Variants in EFNB1 observed in about 807,000 individuals in gnomAD.
The protein encoded by EFNB1 is ephrin-B1.
In EFNB1, 1 loss-of-function variant was observed where a neutral mutation model predicts 18.1. The ratio of observed to expected loss-of-function variants is 0.06; its 90% CI spans 0.02 to 0.26. EFNB1 has a LOEUF of 0.26. EFNB1 is among the 10% of genes least tolerant of loss of function. EFNB1 has a pLI of 1.00. For missense variants in EFNB1, 221 were observed against 301.8 expected, an observed-to-expected ratio of 0.73 and a Z score of 1.98; for synonymous variants, 131 against 127.5, an observed-to-expected ratio of 1.03 and a Z score of -0.19.
Position 68,840,559 on chromosome X carries a change from C to G in EFNB1, c.946C>G (p.His316Asp). The G allele has an allele frequency of 1.7e-6, 2 of 1,211,376 alleles. No homozygotes were observed. Among genetic ancestry groups the G allele is most frequent in the Non-Finnish European group, 2.2e-6 (2 of 895,318 alleles). ...LRTTENNYCP[H>D]YEKVSGDYGH... The stretch of plus-strand genomic sequence containing the variant: ...GACTACAGAGAACAACTACTGCCCC[C>G]ACTATGAGAAGGTGAGTGGGGACTA... The change falls in exon 5 of 5, where the codon CAC becomes GAC. Residue 316 changes from histidine (H) to aspartate (D), a missense_variant. Coordinates refer to ENST00000204961, the MANE Select transcript of EFNB1 (RefSeq NM_004429.5).
Position 68,838,797 on chromosome X carries a change from G to A in EFNB1, c.309G>A (p.Arg103=). 8.3e-7 allele frequency: 1 copy of A among 1,207,911 alleles called. No homozygotes were observed. The highest frequency in any genetic ancestry group is 1.1e-6 in the Non-Finnish European group (1 of 893,507). Residue 103 remains arginine, a synonymous_variant, in exon 2 of 5, where the codon AGG becomes AGA. Transcript: ENST00000204961. ...LDPNVLVTCN[R]PEQEIRFTIK... ...CCAACGTGTTGGTCACCTGCAATAG[G>A]CCAGAGCAGGAAATACGCTTTACCA...
Position 68,829,725 on chromosome X carries a change from C to A in EFNB1, c.-52C>A, listed in dbSNP as rs2080438813. 8.5e-7 allele frequency: 1 copy of A among 1,170,288 alleles called. No individual in the cohort carries two copies. Among genetic ancestry groups the A allele is most frequent in the Admixed American group, 2.5e-5 (1 of 39,559 alleles). On this transcript the variant is annotated 5_prime_UTR_variant, in exon 1 of 5. Transcript: ENST00000204961. ...GCGCGGCAGAGGAAGGCGAGGCGAG[C>A]TTTGGTGAGGAGGCGCCAAGGGATC...
At chrX:68,839,466 G>T (rs2080470859) in intron 2 of EFNB1, among the ~76,000 whole-genome samples, 198 bp from the exon 3 acceptor site, 1 of 112,581 alleles carries the variant, frequency 8.9e-6, no homozygotes, top group African/African-American at 3.2e-5. Flanking sequence ...CTTGTTCTTG[G>T]CCTGGGCTGG....
intron 2 of EFNB1, 121 bp downstream of exon 2, chrX:68,839,015 C>A: frequency 2.1e-6 from 2 of 959,770 alleles, no homozygotes; most frequent in Non-Finnish European, 2.9e-6. Context: ...CCTGCTGGAT[C>A]TGATCCCCTT....
At chrX:68,838,425 C>T (rs1268263002) in intron 1 of EFNB1, among the ~76,000 whole-genome samples, 192 bp from the exon 2 acceptor site, 1 of 111,546 alleles carries the variant, frequency 9.0e-6, no homozygotes, top group Non-Finnish European at 1.9e-5. Flanking sequence ...CATGGGCCAC[C>T]CCTTCCACAC....
chrX:68,840,158 A>T, intron 4 of EFNB1, 70 bp downstream of exon 4: 1 of 1,210,109 alleles, frequency 8.3e-7, no homozygotes, highest in South Asian at 1.8e-5. Context: ...GTCCCTGAAG[A>T]AATGCAAGCT....
rs873465 is a variant in EFNB1, at chrX:68,832,726, C to T, written c.128+2822C>T. Among the ~76,000 whole-genome samples, 13 of 111,279 alleles carry T rather than the reference C, an allele frequency of 1.2e-4. No individual in the cohort carries two copies. The South Asian group carries it at 3.1e-3, about 26-fold the overall frequency. On this transcript the variant is annotated intron_variant, in intron 1 of 4. Coordinates refer to ENST00000204961, the MANE Select transcript of EFNB1 (RefSeq NM_004429.5). ...GGCAGGAGCTTCTGCCTCCTTGGCC[C>T]CTCCTGTCAGATTTGCCCCATGAGC...
At chrX:68,833,957 T>C (rs1271683959) in intron 1 of EFNB1, among the ~76,000 whole-genome samples, 1 of 112,524 alleles carries the variant, frequency 8.9e-6, no homozygotes, top group Non-Finnish European at 1.9e-5. Flanking sequence ...GGCCAGTCAA[T>C]GACTTGCCTA....
chrX:68,840,860 TC>T lies in EFNB1; in HGVS notation c.*211del. 1 of 458,908 alleles carries T rather than the reference TC, an allele frequency of 2.2e-6. No individual in the cohort carries two copies. The highest frequency in any genetic ancestry group is 3.7e-6 in the Non-Finnish European group (1 of 268,317). The allele number at this position is 458,908 out of a possible 1,213,427, so 37.8% of individuals were successfully genotyped here. ...CCCTAACCCCCATGCTCTTGTGCCT[TC>T]CCCCTCTGGCCAGGCCTCTGGGCTC... On this transcript the variant is annotated 3_prime_UTR_variant, in exon 5 of 5. Coordinates refer to ENST00000204961, the MANE Select transcript of EFNB1 (RefSeq NM_004429.5).
At chrX:68,831,428 C>G (rs1293966533) in intron 1 of EFNB1, among the ~76,000 whole-genome samples, 1 of 111,920 alleles carries the variant, frequency 8.9e-6, no homozygotes, top group African/African-American at 3.3e-5. Flanking sequence ...AGAAGCCAAA[C>G]GGGGTACAAC....
intron 2 of EFNB1, 68 bp downstream of exon 2, chrX:68,838,962 G>T: frequency 8.7e-7 from 1 of 1,146,746 alleles, no homozygotes; most frequent in Non-Finnish European, 1.2e-6. Flanking sequence ...CTGTAGTAGT[G>T]GGAGCTTCTA....
In EFNB1 at chrX:68,829,294, C is replaced by A. The variant is rs1015891281; in HGVS notation, c.-483C>A. 5.6e-5 allele frequency: 9 copies of A among 160,827 alleles called. No individual in the cohort carries two copies. Among genetic ancestry groups the A allele is most frequent in the Non-Finnish European group, 9.4e-5 (8 of 84,811 alleles). The allele number at this position is 160,827 out of a possible 1,213,427, so 13.3% of individuals were successfully genotyped here. A position where few individuals can be genotyped will look rare whatever the true frequency, so the allele number is the denominator to read the frequency against. On this transcript the variant is annotated 5_prime_UTR_variant, in exon 1 of 5. Coordinates refer to ENST00000204961, the MANE Select transcript of EFNB1 (RefSeq NM_004429.5). ...CGGAGGAACGGAGCCCGTGCCAGGG[C>A]GGCCCAGTCGGGAGCCCGGGGACCG...
intron 1 of EFNB1, among the ~76,000 whole-genome samples, chrX:68,834,141 G>A (rs2080454406): frequency 8.9e-6 from 1 of 112,292 alleles, no homozygotes; most frequent in Admixed American, 9.4e-5. Flanking sequence ...TCTGTGTGGG[G>A]TGAGCAGTGC....
chrX:68,839,979 T>G lies in EFNB1; in HGVS notation c.519T>G (p.Pro173=). ...KVGQDPNAVT[P]EQLTTSRPSK... ...TCTTAGATCCCAATGCTGTGACGCC[T>G]GAGCAGCTGACTACCAGCAGGCCCA... is the stretch of plus-strand genomic sequence containing the variant. Residue 173 remains proline, a synonymous_variant, in exon 4 of 5, where the codon CCT becomes CCG. Coordinates refer to ENST00000204961, the MANE Select transcript of EFNB1 (RefSeq NM_004429.5). 8.3e-7 allele frequency: 1 copy of G among 1,211,863 alleles called. No individual in the cohort carries two copies. The highest frequency in any genetic ancestry group is 1.1e-6 in the Non-Finnish European group (1 of 895,443).
In EFNB1 at chrX:68,839,723, C is replaced by G. The variant is rs1057519034; in HGVS notation, c.466C>G (p.Arg156Gly). The change falls in exon 3 of 5, where the codon CGC becomes GGC. Residue 156 changes from arginine (R) to glycine (G), a missense_variant. By Grantham distance (125) the Arg-to-Gly change is moderately radical. Transcript: ENST00000204961. ...ENREGGVCRTRTMKIIMKVGQ... is the reference protein window; with the variant it reads ...ENREGGVCRTGTMKIIMKVGQ... Reference sequence around the variant, plus strand: ...CCGGGAGGGCGGTGTGTGCCGCACACGCACCATGAAGATCATCATGAAGGT... The same window carrying G: ...CCGGGAGGGCGGTGTGTGCCGCACAGGCACCATGAAGATCATCATGAAGGT... 6 of 1,209,853 alleles carry G rather than the reference C, an allele frequency of 5.0e-6. No individual in the cohort carries two copies. In the Admixed American group the frequency reaches 8.7e-5, roughly 18 times the overall value.
Position 68,829,638 on chromosome X carries a change from G to T in EFNB1, c.-139G>T, listed in dbSNP as rs1247604000. On this transcript the variant is annotated 5_prime_UTR_variant, in exon 1 of 5. Transcript: ENST00000204961. ...GAGAAGAGCGACACCGAAGCCGGCG[G>T]GAGGGGAGCACTTCAAGGCCGGCGG... is the stretch of plus-strand genomic sequence containing the variant. 2.9e-5 allele frequency: 30 copies of T among 1,031,418 alleles called. No homozygotes were observed. The East Asian group carries it at 1.0e-3, about 35-fold the overall frequency. The allele number at this position is 1,031,418 out of a possible 1,213,427, so 85.0% of individuals were successfully genotyped here.
chrX:68,840,694 C>G lies in EFNB1; in HGVS notation c.*40C>G. 1 of 1,176,794 alleles carries G rather than the reference C, an allele frequency of 8.5e-7. No individual in the cohort carries two copies. Among genetic ancestry groups the G allele is most frequent in the Non-Finnish European group, 1.1e-6 (1 of 875,346 alleles). On this transcript the variant is annotated 3_prime_UTR_variant, in exon 5 of 5. Coordinates refer to ENST00000204961, the MANE Select transcript of EFNB1 (RefSeq NM_004429.5). Reference sequence around the variant, plus strand: ...CTCAGGCCCCCGAGGGACAGTCGGCCTGGACCGGACCTCTCCTTTCGCCCC... The same window carrying G: ...CTCAGGCCCCCGAGGGACAGTCGGCGTGGACCGGACCTCTCCTTTCGCCCC...
rs1459990098 is a variant in EFNB1, at chrX:68,840,410, G to A, written c.797G>A (p.Arg266His). Reference protein sequence around the residue: ...IFLTVLLLKLRKRHRKHTQQR... With the variant: ...IFLTVLLLKLHKRHRKHTQQR... ...CTGACGGTCCTACTACTGAAGCTACGCAAGCGGCACCGCAAGCACACACAG... is the reference window on the plus strand; with the variant it reads ...CTGACGGTCCTACTACTGAAGCTACACAAGCGGCACCGCAAGCACACACAG... Residue 266 changes from arginine to histidine, a missense_variant, in exon 5 of 5, where the codon CGC (arginine) becomes CAC (histidine). By Grantham distance (29) the Arg-to-His change is conservative. Coordinates refer to ENST00000204961, the MANE Select transcript of EFNB1 (RefSeq NM_004429.5). 2.5e-5 allele frequency: 30 copies of A among 1,210,549 alleles called. No homozygotes were observed. The highest frequency in any genetic ancestry group is 3.1e-5 in the Non-Finnish European group (28 of 895,335).
At position 68,840,057 on chromosome X, in the gene EFNB1, G is replaced by T. The variant is rs200409169; in HGVS notation, c.597G>T (p.Arg199=). Residue 199 remains arginine (R), a synonymous_variant, in exon 4 of 5, where the codon CGG becomes CGT. Coordinates refer to ENST00000204961, the MANE Select transcript of EFNB1 (RefSeq NM_004429.5). ...TGGCCACACAGGCCCCTGGTAGTCGGGGCTCCCTGGGTGACTCTGATGGCA... is the reference window on the plus strand; with the variant it reads ...TGGCCACACAGGCCCCTGGTAGTCGTGGCTCCCTGGGTGACTCTGATGGCA... The part of the protein sequence containing the change: ...VKMATQAPGS[R]GSLGDSDGKH... The T allele has an allele frequency of 1.5e-4, 185 of 1,210,500 alleles. No homozygotes were observed. Among genetic ancestry groups the T allele is most frequent in the Non-Finnish European group, 2.0e-4 (178 of 895,274 alleles).
Sources: gnomAD v4.1 joint callset for allele counts (sites outside exome capture counted in the v4.1 genomes callset) on GRCh38, gnomAD v4.1.1 for gene constraint, MANE v1.5 for transcripts, NCBI Gene and HGNC (gene_info 2026-07-23, HGNC 2026-07-21) for gene names.